The following ABHD17C variants were observed in gnomAD, a reference collection of about 807,000 sequenced individuals.
ABHD17C encodes the protein alpha/beta hydrolase domain-containing protein 17C.
A neutral mutation model predicts 27.9 loss-of-function variants in ABHD17C; 11 were observed. The observed-to-expected ratio is 0.39, with a 90% CI of 0.25 to 0.65. The LOEUF is 0.65. Among genes scored for constraint, ABHD17C ranks in the 30% least tolerant of loss-of-function variants. The pLI is 0.45. For missense variants in ABHD17C, 280 were observed against 470.2 expected (o/e 0.60, Z 3.74); for synonymous variants, 233 against 209.1 (o/e 1.11, Z -0.98).
intron 1 of ABHD17C, among the ~76,000 whole-genome samples, chr15:80,720,218 T>C (rs1286950198): frequency 6.6e-6 from 1 of 152,036 alleles, no homozygotes; most frequent in East Asian, 1.9e-4. Context: ...TTGGAACCTT[T>C]CACTTTCTCC....
intron 1 of ABHD17C, among the ~76,000 whole-genome samples, chr15:80,710,680 G>C (rs914991951): frequency 6.6e-6 from 1 of 152,136 alleles, no homozygotes; most frequent in Admixed American, 6.5e-5. Context: ...ATTTTGGCTT[G>C]AGAAACAGGA....
intron 2 of ABHD17C, among the ~76,000 whole-genome samples, chr15:80,751,747 C>T (rs1469414252): frequency 6.6e-6 from 1 of 152,178 alleles, no homozygotes; most frequent in Admixed American, 6.6e-5. Flanking sequence ...GAGCAAGACC[C>T]TGTCTCTTAA....
chr15:80,713,351 G>GTTTTTTTTT (rs1596062478), intron 1 of ABHD17C, among the ~76,000 whole-genome samples: 10 of 28,128 alleles, frequency 3.6e-4, no homozygotes, highest in South Asian at 1.5e-3. Context: ...CTGAGGTCTT[G>GTTTTTTTTT]TTCTTTTTTT....
chr15:80,753,759 T>C (rs1190446061), intron 2 of ABHD17C, among the ~76,000 whole-genome samples: 15 of 152,176 alleles, frequency 9.9e-5, no homozygotes, highest in Admixed American at 7.9e-4. Flanking sequence ...TTCAAAATTA[T>C]TCTAAAATGC....
chr15:80,709,573 G>A (rs1295116920), intron 1 of ABHD17C, among the ~76,000 whole-genome samples: 1 of 151,756 alleles, frequency 6.6e-6, no homozygotes, highest in Non-Finnish European at 1.5e-5. Context: ...CATACTCCTC[G>A]AAGACTCGCA....
At chr15:80,736,442 G>T (rs923904018) in intron 1 of ABHD17C, among the ~76,000 whole-genome samples, 1 of 152,052 alleles carries the variant, frequency 6.6e-6, no homozygotes, top group Admixed American at 6.5e-5. Context: ...CATGACCGAG[G>T]GACTGTGTTT....
At chr15:80,742,886 T>A (rs1254355682) in intron 1 of ABHD17C, among the ~76,000 whole-genome samples, 1 of 151,432 alleles carries the variant, frequency 6.6e-6, no homozygotes, top group Admixed American at 6.6e-5. Flanking sequence ...CAAGGAGAAG[T>A]TGAACTGGAT....
intron 1 of ABHD17C, among the ~76,000 whole-genome samples, chr15:80,700,858 G>A (rs910331690): frequency 2.0e-5 from 3 of 152,186 alleles, no homozygotes; most frequent in African/African-American, 4.8e-5. Flanking sequence ...CTGTGATTGC[G>A]CCACTGCTCT....
intron 1 of ABHD17C, among the ~76,000 whole-genome samples, chr15:80,697,887 T>C (rs577233219): frequency 3.9e-5 from 6 of 152,172 alleles, no homozygotes; most frequent in Non-Finnish European, 8.8e-5. Context: ...TTATAGATCC[T>C]CATGTCTTGT....
At chr15:80,715,016 C>T (rs1011700759) in intron 1 of ABHD17C, among the ~76,000 whole-genome samples, 7 of 152,252 alleles carry the variant, frequency 4.6e-5, no homozygotes, top group African/African-American at 7.2e-5. Context: ...CTCCTGACCT[C>T]GTGATCCGCC....
chr15:80,754,589 C>A lies in ABHD17C; in HGVS notation c.*219C>A, dbSNP rs1895409875. 3.9e-6 allele frequency: 2 copies of A among 510,550 alleles called. No individual in the cohort carries two copies. The highest frequency in any genetic ancestry group is 6.5e-5 in the East Asian group (2 of 30,906). 31.6% of individuals were successfully genotyped at this position (510,550 alleles called of 1,614,324 possible). ...TAAACTGAACAGTCGTGATTCCCAG[C>A]TTCATTACCTTGCAGGAATGGGAAT... On this transcript the variant is annotated 3_prime_UTR_variant, in exon 3 of 3. Coordinates refer to ENST00000258884, the MANE Select transcript of ABHD17C (RefSeq NM_021214.2).
Position 80,754,529 on chromosome 15 carries a change from A to G in ABHD17C, c.*159A>G. 2 of 630,472 alleles carry G rather than the reference A, an allele frequency of 3.2e-6. No homozygotes were observed. The highest frequency in any genetic ancestry group is 5.5e-6 in the Non-Finnish European group (2 of 366,964). 39.1% of individuals were successfully genotyped at this position (630,472 alleles called of 1,614,324 possible). A position where few individuals can be genotyped will look rare whatever the true frequency, so the allele number is the denominator to read the frequency against. On this transcript the variant is annotated 3_prime_UTR_variant, in exon 3 of 3. Transcript: ENST00000258884. ...AGCTGATGAAATCTCAGTCTTTTGTATCTAGAGGTGGTTCTGCTAATTCAC... is the reference window on the plus strand; with the variant it reads ...AGCTGATGAAATCTCAGTCTTTTGTGTCTAGAGGTGGTTCTGCTAATTCAC...
chr15:80,721,487 T>C (rs1357853337), intron 1 of ABHD17C, among the ~76,000 whole-genome samples: 1 of 152,154 alleles, frequency 6.6e-6, no homozygotes, highest in Non-Finnish European at 1.5e-5. Context: ...CAAAGTACTT[T>C]AATAATAATG....
At chr15:80,736,815 G>A (rs1895137074) in intron 1 of ABHD17C, among the ~76,000 whole-genome samples, 1 of 152,174 alleles carries the variant, frequency 6.6e-6, no homozygotes, top group South Asian at 2.1e-4. Flanking sequence ...TGTGTCTCAG[G>A]GAGGCCAGGC....
At chr15:80,706,379 C>G (rs1005601672) in intron 1 of ABHD17C, among the ~76,000 whole-genome samples, 1 of 152,196 alleles carries the variant, frequency 6.6e-6, no homozygotes, top group African/African-American at 2.4e-5. Flanking sequence ...ACGTCAATTA[C>G]TTGCTGAATT....
At chr15:80,705,075 C>T (rs1447663065) in intron 1 of ABHD17C, 1 of 152,478 alleles carries the variant, frequency 6.6e-6, no homozygotes, top group Non-Finnish European at 1.5e-5. Flanking sequence ...CAGTGGAGGT[C>T]AGCCCAGGCA....
chr15:80,709,594 A>G (rs1374205566), intron 1 of ABHD17C, among the ~76,000 whole-genome samples: 1 of 151,946 alleles, frequency 6.6e-6, no homozygotes, highest in Non-Finnish European at 1.5e-5. Context: ...CATCTGGATC[A>G]CCATTTTCTT....
rs1274878315 is a variant in ABHD17C at position 80,713,154 on chromosome 15, G to A, written c.590+17135G>A. The stretch of plus-strand genomic sequence containing the variant: ...AAATCATAGCTCTCTTAACTTCCTA[G>A]CAGTGTCTTCTTGCCACCCACATCA... On this transcript the variant is annotated intron_variant, in intron 1 of 2. Coordinates refer to ENST00000258884, the MANE Select transcript of ABHD17C (RefSeq NM_021214.2). Among the ~76,000 whole-genome samples the A allele has an allele frequency of 4.0e-5, 6 of 151,492 alleles. No homozygotes were observed. In the East Asian group the frequency reaches 5.8e-4, roughly 15 times the overall value.
chr15:80,735,579 A>T lies in ABHD17C; in HGVS notation c.591-13934A>T, dbSNP rs1596070557. Among the ~76,000 whole-genome samples, 3 of 151,942 alleles carry T rather than the reference A, an allele frequency of 2.0e-5. No homozygotes were observed. The South Asian group carries it at 6.3e-4, about 32-fold the overall frequency. ...TGTTTTTACGCCCCTGCCGCTGCCT[A>T]CCATCAAACCCTCGCTCCAGCCAGG... On this transcript the variant is annotated intron_variant, in intron 1 of 2. Coordinates refer to ENST00000258884, the MANE Select transcript of ABHD17C (RefSeq NM_021214.2).
Sources: gnomAD v4.1 joint callset for allele counts (sites outside exome capture counted in the v4.1 genomes callset) on GRCh38, gnomAD v4.1.1 for gene constraint, MANE v1.5 for transcripts, NCBI Gene and HGNC (gene_info 2026-07-23, HGNC 2026-07-21) for gene names.